The following NAV1 variants were observed in gnomAD, a reference collection of about 807,000 sequenced individuals.
NAV1 encodes pore membrane and/or filament interacting like protein 3.
In NAV1, 18 loss-of-function variants were observed where a neutral mutation model predicts 175.2. The ratio of observed to expected loss-of-function variants is 0.10; its 90% CI spans 0.07 to 0.15. The LOEUF (loss-of-function observed/expected upper bound fraction) is 0.15. Ranked by LOEUF, NAV1 falls within the 10% of genes least tolerant of loss-of-function variation. The probability of loss-of-function intolerance (pLI) is 1.00; values close to 1 mark genes in which losing one functional copy is unlikely to be tolerated. For synonymous variants in NAV1, 897 were observed against 978.7 expected, an observed-to-expected ratio of 0.92 and a Z score of 1.56; for missense variants, 1,731 against 2,436.6, an observed-to-expected ratio of 0.71 and a Z score of 6.10.
At chr1:201,615,243 ATTTCTTTCTTTC>A (rs754631805) in intron 2 of NAV1, among the ~76,000 whole-genome samples, 19 of 148,432 alleles carry the variant, frequency 1.3e-4, no homozygotes, top group Middle Eastern at 3.5e-3. Flanking sequence ...AATTTCTGCC[ATTTCTTTCTTTC>A]TTTCTTTCTT....
At chr1:201,680,668 A>G (rs1486227091) in intron 1 of NAV1, among the ~76,000 whole-genome samples, 5 of 152,160 alleles carry the variant, frequency 3.3e-5, no homozygotes, top group Non-Finnish European at 5.9e-5. Flanking sequence ...AACATTGGGG[A>G]TCACATTTCA....
At chr1:201,697,017 G>A (rs1264401796) in intron 1 of NAV1, among the ~76,000 whole-genome samples, 2 of 151,996 alleles carry the variant, frequency 1.3e-5, no homozygotes, top group African/African-American at 4.8e-5. Context: ...TTTTTTAAAT[G>A]CAAAAACTCT....
chr1:201,755,469 AAAGAGGAGG>A (rs1018640581), intron 3 of NAV1, among the ~76,000 whole-genome samples: 10 of 152,082 alleles, frequency 6.6e-5, no homozygotes, highest in African/African-American at 2.2e-4. Flanking sequence ...GGAAGAAGAG[AAAGAGGAGG>A]AAGAGGAAGA....
chr1:201,761,098 T>G (rs1250485984), intron 3 of NAV1, among the ~76,000 whole-genome samples: 1 of 152,172 alleles, frequency 6.6e-6, no homozygotes, highest in Non-Finnish European at 1.5e-5. Context: ...ATTTAAAGAT[T>G]TTGTTGACTG....
chr1:201,794,056 T>C (rs564440), intron 14 of NAV1, 181 bp downstream of exon 18: 453,837 of 707,708 alleles, frequency 0.64, 150,202 homozygotes, highest in South Asian at 0.76. Context: ...TCCCAATTCC[T>C]TGCCCTTCTC....
Position 201,718,691 on chromosome 1 carries a change from G to A in NAV1, c.1162G>A (p.Gly388Ser), listed in dbSNP as rs1672240499. The A allele has an allele frequency of 3.7e-6, 6 of 1,614,008 alleles. No homozygotes were observed. Among genetic ancestry groups the A allele is most frequent in the African/African-American group, 1.3e-5 (1 of 74,908 alleles). ...CTCGGATGAGGTGGACCTCAAGTCC[G>A]GCTACATGAGCGACAGTGACCTCAT... Residue 388 changes from glycine (G) to serine (S), a missense_variant, in exon 3 of 30, where the codon GGC (glycine) becomes AGC (serine). Coordinates refer to ENST00000367296, the Ensembl canonical transcript of NAV1. The surrounding 1 kb of genome is among the most constrained non-coding windows in gnomAD (Gnocchi z 4.8).
intron 3 of NAV1, among the ~76,000 whole-genome samples, chr1:201,731,493 C>A (rs185679020): frequency 1.3e-5 from 2 of 152,152 alleles, no homozygotes; most frequent in African/African-American, 4.8e-5. Flanking sequence ...AGCCTACCCC[C>A]CTTCTCCTTT....
chr1:201,709,220 C>T (rs1571898922), intron 1 of NAV1, among the ~76,000 whole-genome samples: 1 of 151,544 alleles, frequency 6.6e-6, no homozygotes. Context: ...CCCTAGATAC[C>T]TTCACCCCAT....
At chr1:201,785,346 G>T in exon 8 of NAV1, 1 of 1,611,722 alleles carries the variant, frequency 6.2e-7, no homozygotes, top group Non-Finnish European at 8.5e-7. Flanking sequence ...CCAAGAAAGG[G>T]CTCAGGTAAC....
intron 1 of NAV1, among the ~76,000 whole-genome samples, chr1:201,568,698 A>T (rs1053629677): frequency 6.6e-6 from 1 of 152,198 alleles, no homozygotes; most frequent in Non-Finnish European, 1.5e-5. Flanking sequence ...ATTCAATAAC[A>T]TAATATAATA....
upstream of NAV1, among the ~76,000 whole-genome samples, chr1:201,620,453 CTTTT>C (rs71861939): frequency 1.1e-5 from 1 of 94,526 alleles, no homozygotes; most frequent in East Asian, 3.6e-4. Context: ...GACATATACT[CTTTT>C]TTTTTTTTTT....
chr1:201,664,258 C>T (rs1306914929), intron 1 of NAV1, among the ~76,000 whole-genome samples: 1 of 152,130 alleles, frequency 6.6e-6, no homozygotes, highest in Non-Finnish European at 1.5e-5. Flanking sequence ...AGGAGAATTG[C>T]TTGAACCCAG....
chr1:201,732,043 C>T (rs1482243329), intron 3 of NAV1, among the ~76,000 whole-genome samples: 1 of 152,156 alleles, frequency 6.6e-6, no homozygotes, highest in East Asian at 1.9e-4. Flanking sequence ...AGAGATCCCA[C>T]CCTTCCCAGC....
exon 7 of NAV1, chr1:201,783,567 G>A (rs1676485025): frequency 1.9e-6 from 3 of 1,614,074 alleles, no homozygotes; most frequent in Non-Finnish European, 2.5e-6. Context: ...CTCCCTTCCT[G>A]CTTCACCCCC....
chr1:201,581,234 C>T (rs1393464949), intron 1 of NAV1, among the ~76,000 whole-genome samples: 1 of 152,106 alleles, frequency 6.6e-6, no homozygotes, highest in African/African-American at 2.4e-5. Context: ...GGGTTGAACA[C>T]AGGCAGTGGT....
chr1:201,716,346 G>A lies in NAV1; in HGVS notation c.861-2044G>A, dbSNP rs115666738. ...CTTGCTTTTTACTCACACATCCATC[G>A]TGGGTTTGCTCCTCTTTGATTCATT... On this transcript the variant is annotated intron_variant, in intron 2 of 29. Coordinates refer to ENST00000367296, the Ensembl canonical transcript of NAV1. Among the ~76,000 whole-genome samples, 662 of 152,294 alleles carry A rather than the reference G, an allele frequency of 4.3e-3. 6 individuals are homozygous for A. The highest frequency in any genetic ancestry group is 0.014 in the African/African-American group (600 of 41,568).
chr1:201,556,424 G>GA (rs71564152), intron 1 of NAV1, among the ~76,000 whole-genome samples: 1,375 of 134,346 alleles, frequency 0.01, 15 homozygotes, highest in African/African-American at 0.032. Flanking sequence ...TCTCAAAAAA[G>GA]AAAAAAAAAA....
Position 201,718,686 on chromosome 1 carries a change from A to G in NAV1, c.1157A>G (p.Lys386Arg), listed in dbSNP as rs375709428. Residue 386 changes from lysine (K) to arginine (R), a missense_variant, in exon 3 of 30, where the codon AAG becomes AGG. Around this residue, in one of 13 missense-constraint regions of NAV1, gnomAD observed 487 missense variants for 581.3 expected, o/e 0.84. Coordinates refer to ENST00000367296, the Ensembl canonical transcript of NAV1. The surrounding 1 kb of genome is among the most constrained non-coding windows in gnomAD (Gnocchi z 4.8). ...CTGGACTCGGATGAGGTGGACCTCA[A>G]GTCCGGCTACATGAGCGACAGTGAC... is the stretch of plus-strand genomic sequence containing the variant. 11 of 1,614,084 alleles carry G rather than the reference A, an allele frequency of 6.8e-6. No homozygotes were observed. In the African/African-American group the frequency reaches 1.3e-4, roughly 20 times the overall value.
At chr1:201,579,437 C>A (rs1322901787) in intron 1 of NAV1, among the ~76,000 whole-genome samples, 4 of 152,116 alleles carry the variant, frequency 2.6e-5, no homozygotes, top group Admixed American at 6.5e-5. Flanking sequence ...CTCACTGCAA[C>A]CTCTGCCTCC....
Sources: allele counts gnomAD v4.1 joint callset (sites outside exome capture counted in the v4.1 genomes callset), GRCh38; gene constraint gnomAD v4.1.1; regional missense constraint gnomAD v4.1.1; non-coding constraint Gnocchi (gnomAD v3.1); transcripts MANE v1.5; gene names NCBI Gene and HGNC (gene_info 2026-07-23, HGNC 2026-07-21).